DYNC2H1: variants seen among roughly 807,000 people sequenced by gnomAD.
DYNC2H1 encodes cytoplasmic dynein 2 heavy chain 1.
Under a neutral mutation model 570.0 loss-of-function variants are expected in DYNC2H1, and 410 were observed. The observed-to-expected ratio is 0.72, with a 90% confidence interval of 0.66 to 0.78. DYNC2H1 has a LOEUF of 0.78. DYNC2H1 is among the 30% of genes least tolerant of loss of function. DYNC2H1 has a pLI of 0.00. For missense variants in DYNC2H1, 4,865 were observed against 5,046.4 expected (o/e 0.96, Z 1.09); for synonymous variants, 1,688 against 1,677.6 (o/e 1.01, Z -0.15).
At chr11:103,347,212 T>C (rs1939786066) in intron 82 of DYNC2H1, among the ~76,000 whole-genome samples, 1 of 152,196 alleles carries the variant, frequency 6.6e-6, no homozygotes, top group Non-Finnish European at 1.5e-5. Context: ...AATAGGTTAA[T>C]GGCAGGCAAA....
chr11:103,246,207 C>T (rs1864610492), intron 65 of DYNC2H1, among the ~76,000 whole-genome samples: 1 of 152,026 alleles, frequency 6.6e-6, no homozygotes, highest in African/African-American at 2.4e-5. Flanking sequence ...AGCTTGTAAT[C>T]AAGAAAGTGA....
chr11:103,394,565 A>C (rs985220881), intron 83 of DYNC2H1, among the ~76,000 whole-genome samples: 11 of 151,942 alleles, frequency 7.2e-5, no homozygotes. Context: ...GGAATAAAAA[A>C]GGAAAGAAAA....
rs1864129102 is a variant in DYNC2H1, at chr11:103,234,096, C to T, written c.9503C>T (p.Thr3168Ile). 1 of 1,570,988 alleles carries T rather than the reference C, an allele frequency of 6.4e-7. No individual in the cohort carries two copies. The highest frequency in any genetic ancestry group is 1.4e-5 in the African/African-American group (1 of 73,870). The part of the protein sequence containing the change: ...LEAEVSKAQE[T>I]IKAAEVLINQ... ...GCTGAAGTAAGCAAGGCACAAGAAACAATCAAAGCTGCAGAAGTCTTAATT... is the reference window on the plus strand; with the variant it reads ...GCTGAAGTAAGCAAGGCACAAGAAATAATCAAAGCTGCAGAAGTCTTAATT... The change falls in exon 61 of 89, where the codon ACA becomes ATA. Residue 3168 changes from threonine (T) to isoleucine (I), a missense_variant. Physicochemically the swap from Thr to Ile is moderately conservative, Grantham distance 89. Around this residue, in one of 5 missense-constraint regions of DYNC2H1, gnomAD observed 2,401 missense variants for 2,454.6 expected, o/e 0.98. Coordinates refer to ENST00000375735, the MANE Select transcript of DYNC2H1 (RefSeq NM_001377.3).
intron 29 of DYNC2H1, 29 bp downstream of exon 29, chr11:103,161,073 C>A (rs1334977978): frequency 8.3e-7 from 1 of 1,205,030 alleles, no homozygotes; most frequent in Non-Finnish European, 1.1e-6. Context: ...AATATGAAAA[C>A]AAAAAGAATT....
chr11:103,321,958 GTTTCC>G (rs1938227079), intron 81 of DYNC2H1, among the ~76,000 whole-genome samples: 1 of 151,864 alleles, frequency 6.6e-6, no homozygotes, highest in African/African-American at 2.4e-5. Context: ...GTTTTGTGCT[GTTTCC>G]TTTCATCCAA....
At chr11:103,467,051 A>G (rs1472188866) in intron 87 of DYNC2H1, among the ~76,000 whole-genome samples, 1 of 152,206 alleles carries the variant, frequency 6.6e-6, no homozygotes, top group African/African-American at 2.4e-5. Context: ...AAATGAAAGA[A>G]CAAAATGGAT....
At chr11:103,400,011 G>C (rs1008830469) in intron 84 of DYNC2H1, 139 bp downstream of exon 84, 2 of 684,584 alleles carry the variant, frequency 2.9e-6, no homozygotes, top group African/African-American at 3.6e-5. Flanking sequence ...AAAATTAATT[G>C]ACTGATGTAA....
chr11:103,152,786 G>A (rs1461510623), intron 21 of DYNC2H1, among the ~76,000 whole-genome samples: 1 of 152,148 alleles, frequency 6.6e-6, no homozygotes, highest in Non-Finnish European at 1.5e-5. Context: ...TTCAGTTGCT[G>A]TGTAGTAGGG....
intron 59 of DYNC2H1, among the ~76,000 whole-genome samples, chr11:103,224,712 C>T (rs759582612): frequency 2.0e-5 from 3 of 152,126 alleles, no homozygotes; most frequent in Non-Finnish European, 2.9e-5. Flanking sequence ...TACAAACATG[C>T]GTGTGCAAGT....
At chr11:103,434,320 T>C (rs953752236) in intron 84 of DYNC2H1, among the ~76,000 whole-genome samples, 1 of 152,094 alleles carries the variant, frequency 6.6e-6, no homozygotes, top group African/African-American at 2.4e-5. Flanking sequence ...AAGATAAGCC[T>C]TTCTTTCTAT....
At chr11:103,475,704 C>T (rs997648456) in intron 88 of DYNC2H1, among the ~76,000 whole-genome samples, 8 of 151,992 alleles carry the variant, frequency 5.3e-5, no homozygotes, top group African/African-American at 1.9e-4. Context: ...GGCTGTAAGA[C>T]AAACAAAGCC....
Position 103,276,962 on chromosome 11 carries a change from C to T in DYNC2H1, c.10696-3386C>T, listed in dbSNP as rs186550079. ...ATTTCATTCTCAACAGCAATCTATT[C>T]GAGTTTTAAATCTCTGAACCTTATT... On this transcript the variant is annotated intron_variant, in intron 70 of 88. Coordinates refer to ENST00000375735, the MANE Select transcript of DYNC2H1 (RefSeq NM_001377.3). 6.0e-4 allele frequency among the ~76,000 whole-genome samples: 92 copies of T among 152,176 alleles called. No individual in the cohort carries two copies. In the East Asian group the frequency reaches 0.014, roughly 23 times the overall value.
rs116812111 is a variant in DYNC2H1 at position 103,474,514 on chromosome 11, G to T, written c.12766-4581G>T. On this transcript the variant is annotated intron_variant, in intron 88 of 88. Coordinates refer to ENST00000375735, the MANE Select transcript of DYNC2H1 (RefSeq NM_001377.3). ...GTAATAATTTTGTTTTCATTGTTTG[G>T]TTTTGCTTTTCCTTGCTTTCTTTGG... Among the ~76,000 whole-genome samples, 758 of 152,134 alleles carry T rather than the reference G, an allele frequency of 5.0e-3. 4 individuals carry two copies. Among genetic ancestry groups the T allele is most frequent in the African/African-American group, 0.018 (730 of 41,520 alleles).
chr11:103,373,039 G>T (rs1235338306), intron 83 of DYNC2H1, among the ~76,000 whole-genome samples: 1 of 152,084 alleles, frequency 6.6e-6, no homozygotes, highest in Non-Finnish European at 1.5e-5. Context: ...GACTTCCTGG[G>T]CTCAGGCAAT....
At chr11:103,162,959 T>A (rs1861158044) in intron 29 of DYNC2H1, 69 bp from the exon 30 acceptor site, 1 of 1,355,660 alleles carries the variant, frequency 7.4e-7, no homozygotes, top group East Asian at 2.5e-5. Flanking sequence ...ATTTATTTTA[T>A]GTCTTATATA....
In DYNC2H1 at chr11:103,268,069, A is replaced by G. The variant is rs117694808; in HGVS notation, c.10695+8092A>G. ...TATCCTATATGGTACACTTATTTTT[A>G]TGTATAGTATAAGTATTTCTATTCA... On this transcript the variant is annotated intron_variant, in intron 70 of 88. Transcript: ENST00000375735. The surrounding 1 kb of genome is among the most constrained non-coding windows in gnomAD (Gnocchi z 4.6). 0.015 allele frequency among the ~76,000 whole-genome samples: 2,220 copies of G among 151,938 alleles called. 24 individuals are homozygous for G. Among genetic ancestry groups the G allele is most frequent in the Non-Finnish European group, 0.023 (1,562 of 67,876 alleles).
At chr11:103,263,021 G>GAA (rs1591491551) in intron 70 of DYNC2H1, among the ~76,000 whole-genome samples, 1 of 17,608 alleles carries the variant, frequency 5.7e-5, no homozygotes, top group African/African-American at 1.9e-4. Flanking sequence ...CAAATGGAAA[G>GAA]CAAAAAAAAA....
intron 84 of DYNC2H1, among the ~76,000 whole-genome samples, chr11:103,416,319 AAAG>A: frequency 6.6e-6 from 1 of 150,418 alleles, no homozygotes; most frequent in Non-Finnish European, 1.5e-5. Context: ...TAATAATAAA[AAAG>A]AAAAAACTAC....
At chr11:103,132,355 A>AT (rs370994209) in intron 13 of DYNC2H1, among the ~76,000 whole-genome samples, 1 of 151,220 alleles carries the variant, frequency 6.6e-6, no homozygotes, top group African/African-American at 2.4e-5. Context: ...TTATAATTCT[A>AT]TTTTTTCTTG....
Sources: gnomAD v4.1 joint callset for allele counts (sites outside exome capture counted in the v4.1 genomes callset) on GRCh38, gnomAD v4.1.1 for gene constraint, gnomAD v4.1.1 regional missense constraint, Gnocchi (gnomAD v3.1) non-coding constraint, MANE v1.5 for transcripts, NCBI Gene and HGNC (gene_info 2026-07-23, HGNC 2026-07-21) for gene names.